FANCC: variants seen among roughly 807,000 people sequenced by gnomAD.
FANCC encodes FA complementation group C.
In FANCC, 55 loss-of-function variants were observed where a neutral mutation model predicts 71.3. That is an observed-to-expected ratio of 0.77 (90% CI 0.62 to 0.97). The LOEUF (loss-of-function observed/expected upper bound fraction) is 0.97, where lower values mean the gene tolerates loss of function less well. FANCC is among the 50% of genes least tolerant of loss of function. The probability of loss-of-function intolerance (pLI) is 0.00; values close to 1 mark genes in which losing one functional copy is unlikely to be tolerated. For missense variants in FANCC, 678 were observed against 670.9 expected (o/e 1.01, Z -0.12); for synonymous variants, 275 against 244.9 (o/e 1.12, Z -1.15).
At chr9:95,278,659 T>A (rs980921521) in intron 1 of FANCC, among the ~76,000 whole-genome samples, 18 of 152,096 alleles carry the variant, frequency 1.2e-4, no homozygotes, top group African/African-American at 4.1e-4. Flanking sequence ...CTACATTAGG[T>A]GTATTAAGTG....
At chr9:95,173,207 C>A (rs1292207861) in intron 4 of FANCC, among the ~76,000 whole-genome samples, 1 of 152,126 alleles carries the variant, frequency 6.6e-6, no homozygotes, top group Non-Finnish European at 1.5e-5. Context: ...AACATGTACT[C>A]TGTGTGAGCT....
chr9:95,154,591 TAA>T (rs1351272334), intron 6 of FANCC, among the ~76,000 whole-genome samples: 1 of 152,198 alleles, frequency 6.6e-6, no homozygotes, highest in Non-Finnish European at 1.5e-5. Context: ...GCAAGTTGCA[TAA>T]AGATATCCAC....
intron 4 of FANCC, among the ~76,000 whole-genome samples, chr9:95,231,772 T>A (rs1446356461): frequency 1.3e-5 from 2 of 152,168 alleles, no homozygotes; most frequent in Non-Finnish European, 2.9e-5. Context: ...AAAAAGAAAC[T>A]TATTTATTAT....
chr9:95,230,206 G>A (rs1048814346), intron 4 of FANCC, among the ~76,000 whole-genome samples: 1 of 152,168 alleles, frequency 6.6e-6, no homozygotes, highest in Non-Finnish European at 1.5e-5. Flanking sequence ...CCTAGTGAAA[G>A]AGGTCTGTCT....
chr9:95,152,301 T>G (rs1830220604), intron 6 of FANCC, among the ~76,000 whole-genome samples: 3 of 152,200 alleles, frequency 2.0e-5, no homozygotes, highest in African/African-American at 7.2e-5. Flanking sequence ...TAATGCCAGA[T>G]GATACTGAGT....
chr9:95,118,282 G>T (rs1400257934), intron 10 of FANCC, among the ~76,000 whole-genome samples: 1 of 152,216 alleles, frequency 6.6e-6, no homozygotes, highest in African/African-American at 2.4e-5. Context: ...GCCTCCCAAA[G>T]TGCTGGGGTT....
chr9:95,246,979 G>A (rs572969522), intron 3 of FANCC, among the ~76,000 whole-genome samples: 21 of 152,260 alleles, frequency 1.4e-4, no homozygotes, highest in Admixed American at 8.5e-4. Flanking sequence ...GCAAAGTCAC[G>A]GCAGGATTCA....
At chr9:95,134,993 GT>G (rs1181435181) in intron 8 of FANCC, among the ~76,000 whole-genome samples, 7 of 152,288 alleles carry the variant, frequency 4.6e-5, no homozygotes, top group Admixed American at 4.6e-4. Context: ...TTTTTTGAAT[GT>G]TTTTAATTGA....
At chr9:95,189,265 C>T (rs1184476693) in intron 4 of FANCC, among the ~76,000 whole-genome samples, 2 of 151,988 alleles carry the variant, frequency 1.3e-5, no homozygotes, top group Admixed American at 1.3e-4. Flanking sequence ...AAAAACCTAA[C>T]TGCCCTGGTA....
At chr9:95,109,428 G>A (rs2071729440) in intron 13 of FANCC, among the ~76,000 whole-genome samples, 2 of 152,052 alleles carry the variant, frequency 1.3e-5, no homozygotes, top group African/African-American at 2.4e-5. Context: ...GGGTTAAAGG[G>A]TATGAACCCT....
chr9:95,122,339 T>C (rs1203409552), intron 10 of FANCC, among the ~76,000 whole-genome samples: 1 of 152,096 alleles, frequency 6.6e-6, no homozygotes, highest in African/African-American at 2.4e-5. Context: ...ATGAAGGGTT[T>C]TGATTAGCTA....
At chr9:95,286,802 G>A (rs537550441) in intron 1 of FANCC, among the ~76,000 whole-genome samples, 1 of 152,238 alleles carries the variant, frequency 6.6e-6, no homozygotes, top group South Asian at 2.1e-4. Flanking sequence ...GTTTAGTGAG[G>A]CATGGTGGCG....
Position 95,220,098 on chromosome 9 carries a change from C to G in FANCC, c.345+20551G>C, listed in dbSNP as rs1324761745. 4.6e-5 allele frequency among the ~76,000 whole-genome samples: 7 copies of G among 152,184 alleles called. No individual in the cohort carries two copies. The East Asian group carries it at 1.3e-3, about 29-fold the overall frequency. On this transcript the variant is annotated intron_variant, in intron 4 of 14. Coordinates refer to ENST00000289081, the MANE Select transcript of FANCC (RefSeq NM_000136.3). ...TTCTCAAAAGAACACATTTATGCAG[C>G]CAACAGACACAGGAAAAAATGCTCG...
intron 1 of FANCC, among the ~76,000 whole-genome samples, chr9:95,289,372 G>A (rs890529454): frequency 6.6e-6 from 1 of 152,090 alleles, no homozygotes; most frequent in African/African-American, 2.4e-5. Context: ...CACAACCAGT[G>A]GCTGGAGTAA....
chr9:95,211,458 C>A (rs1054231139), intron 4 of FANCC, among the ~76,000 whole-genome samples: 6 of 152,128 alleles, frequency 3.9e-5, no homozygotes, highest in Admixed American at 1.3e-4. Flanking sequence ...TGCTACTTGG[C>A]CTTGGTAAAA....
At chr9:95,190,142 CA>C (rs1826992843) in intron 4 of FANCC, among the ~76,000 whole-genome samples, 2 of 152,064 alleles carry the variant, frequency 1.3e-5, no homozygotes, top group Admixed American at 6.5e-5. Flanking sequence ...CCAATTTAAC[CA>C]ATTTACAAGC....
At chr9:95,294,905 T>A (rs1262077961) in intron 1 of FANCC, 2 of 1,121,358 alleles carry the variant, frequency 1.8e-6, no homozygotes. Flanking sequence ...CGATTGAATG[T>A]GGCTGATGAT....
At position 95,130,341 on chromosome 9, in the gene FANCC, G is replaced by A. The variant is rs79118040; in HGVS notation, c.844-3760C>T. Among the ~76,000 whole-genome samples the A allele has an allele frequency of 3.3e-3, 503 of 152,082 alleles. 9 individuals are homozygous for A. The East Asian group carries it at 0.043, about 13-fold the overall frequency. On this transcript the variant is annotated intron_variant, in intron 8 of 14. Transcript: ENST00000289081. The stretch of plus-strand genomic sequence containing the variant: ...GAGAGAGAATAGGGAAAAGGAGAGG[G>A]ACAGAAAACAAACCAAAAAGGGAAA...
At chr9:95,278,441 GAACACTTGAAT>G (rs1253472849) in intron 1 of FANCC, among the ~76,000 whole-genome samples, 1 of 152,122 alleles carries the variant, frequency 6.6e-6, no homozygotes, top group Non-Finnish European at 1.5e-5. Context: ...CGAGAAAATA[GAACACTTGAAT>G]AACACTATAA....
Sources: allele counts gnomAD v4.1 joint callset (sites outside exome capture counted in the v4.1 genomes callset), GRCh38; gene constraint gnomAD v4.1.1; transcripts MANE v1.5; gene names NCBI Gene and HGNC (gene_info 2026-07-23, HGNC 2026-07-21).